Variants in RSRC1 observed in about 807,000 individuals in gnomAD.
RSRC1 encodes the protein serine/Arginine-related protein 53.
RSRC1 carries 39 observed loss-of-function variants against 49.1 expected under a neutral mutation model. That is an observed-to-expected ratio of 0.79 (90% CI 0.61 to 1.04). The LOEUF is 1.04. Among genes scored for constraint, RSRC1 ranks in the 50% least tolerant of loss-of-function variants. The pLI, the probability that RSRC1 is intolerant of heterozygous loss-of-function variation, is 0.00. For synonymous variants in RSRC1, 143 were observed against 130.8 expected, an observed-to-expected ratio of 1.09 and a Z score of -0.63; for missense variants, 388 against 402.4, an observed-to-expected ratio of 0.96 and a Z score of 0.31.
chr3:158,443,874 G>A (rs1224981646), intron 6 of RSRC1, among the ~76,000 whole-genome samples: 1 of 152,118 alleles, frequency 6.6e-6, no homozygotes, highest in Non-Finnish European at 1.5e-5. Flanking sequence ...TTGCTGATGG[G>A]CCTTATTTCA....
intron 8 of RSRC1, among the ~76,000 whole-genome samples, chr3:158,540,929 C>T (rs1434947093): frequency 6.6e-6 from 1 of 152,062 alleles, no homozygotes; most frequent in African/African-American, 2.4e-5. Flanking sequence ...GGAGGGTGAT[C>T]CTTTGGAGAA....
At chr3:158,166,868 A>G (rs1718569835) in intron 3 of RSRC1, among the ~76,000 whole-genome samples, 1 of 152,220 alleles carries the variant, frequency 6.6e-6, no homozygotes, top group South Asian at 2.1e-4. Flanking sequence ...AGGAAACGTG[A>G]AACTAATACA....
chr3:158,145,731 C>T (rs1472518042), intron 3 of RSRC1, among the ~76,000 whole-genome samples: 3 of 152,128 alleles, frequency 2.0e-5, no homozygotes, highest in Admixed American at 2.0e-4. Context: ...GCAGTATGGC[C>T]ATTTTCACGA....
intron 4 of RSRC1, among the ~76,000 whole-genome samples, chr3:158,214,069 T>TACAAAAAA (rs1167455100): frequency 3.2e-4 from 49 of 151,494 alleles, no homozygotes; most frequent in African/African-American, 1.2e-3. Context: ...AAGTACAGTA[T>TACAAAAAA]AACTATTTAC....
chr3:158,344,923 A>C (rs1730458912), intron 5 of RSRC1, among the ~76,000 whole-genome samples: 1 of 152,166 alleles, frequency 6.6e-6, no homozygotes, highest in Admixed American at 6.5e-5. Context: ...TAGCATTATA[A>C]AATACCCAAT....
intron 4 of RSRC1, among the ~76,000 whole-genome samples, chr3:158,285,566 A>C (rs968148537): frequency 5.9e-5 from 9 of 151,972 alleles, no homozygotes; most frequent in African/African-American, 1.2e-4. Context: ...CTTTTATTTC[A>C]TTGAGCAGTG....
chr3:158,174,424 A>G (rs889722291), intron 3 of RSRC1, among the ~76,000 whole-genome samples: 6 of 152,016 alleles, frequency 3.9e-5, no homozygotes, highest in Non-Finnish European at 8.8e-5. Context: ...TCAATGAATT[A>G]CTGTATTATA....
At chr3:158,295,466 A>G (rs1727184802) in intron 4 of RSRC1, among the ~76,000 whole-genome samples, 1 of 152,172 alleles carries the variant, frequency 6.6e-6, no homozygotes, top group Non-Finnish European at 1.5e-5. Flanking sequence ...GTTAATGGAA[A>G]ATGAATTGAC....
At chr3:158,134,821 AAG>A (rs1385129296) in intron 3 of RSRC1, among the ~76,000 whole-genome samples, 1 of 152,210 alleles carries the variant, frequency 6.6e-6, no homozygotes, top group African/African-American at 2.4e-5. Context: ...ATGAGAGACA[AAG>A]AGATGTGGAG....
chr3:158,309,737 G>A (rs1388550705), intron 5 of RSRC1, among the ~76,000 whole-genome samples: 1 of 151,748 alleles, frequency 6.6e-6, no homozygotes, highest in Non-Finnish European at 1.5e-5. Context: ...ACCCGAATAT[G>A]TGATACACAA....
chr3:158,337,531 T>C (rs900851256), intron 5 of RSRC1, among the ~76,000 whole-genome samples: 2 of 152,210 alleles, frequency 1.3e-5, no homozygotes, highest in African/African-American at 4.8e-5. Flanking sequence ...CCTGCAAATC[T>C]ATGATCATAG....
At chr3:158,282,832 G>T (rs892059776) in intron 4 of RSRC1, among the ~76,000 whole-genome samples, 1 of 152,278 alleles carries the variant, frequency 6.6e-6, no homozygotes, top group South Asian at 2.1e-4. Flanking sequence ...AAAATTGTTA[G>T]CCAGGTAAGG....
At chr3:158,253,843 G>A (rs566344546) in intron 4 of RSRC1, among the ~76,000 whole-genome samples, 2 of 152,154 alleles carry the variant, frequency 1.3e-5, no homozygotes, top group South Asian at 4.2e-4. Flanking sequence ...GTATACGTGT[G>A]TCATGTTGGT....
Position 158,323,363 on chromosome 3 carries a change from G to T in RSRC1, c.531+25288G>T, listed in dbSNP as rs149057297. On this transcript the variant is annotated intron_variant, in intron 5 of 9. Coordinates refer to ENST00000611884, the MANE Select transcript of RSRC1 (RefSeq NM_001271838.2). ...TTGGGCAGAGGTCACGGTCGAATAC[G>T]TCAGGGCAGGATCTTTGTGAATTAG... is the stretch of plus-strand genomic sequence containing the variant. Among the ~76,000 whole-genome samples the T allele has an allele frequency of 7.9e-5, 12 of 152,238 alleles. No individual in the cohort carries two copies. In the East Asian group the frequency reaches 1.7e-3, roughly 22 times the overall value.
At chr3:158,169,564 A>G (rs1350572564) in intron 3 of RSRC1, among the ~76,000 whole-genome samples, 1 of 152,154 alleles carries the variant, frequency 6.6e-6, no homozygotes, top group Non-Finnish European at 1.5e-5. Flanking sequence ...TATTCTCTTT[A>G]AACTTCTCCT....
At position 158,460,997 on chromosome 3, in the gene RSRC1, G is replaced by A. The variant is rs148607251; in HGVS notation, c.646G>A (p.Glu216Lys). Residue 216 changes from glutamate to lysine, a missense_variant, in exon 7 of 10, where the codon GAG (glutamate) becomes AAG (lysine). Coordinates refer to ENST00000611884, the MANE Select transcript of RSRC1 (RefSeq NM_001271838.2). ...TGAGGAAGAAGCAAAGAGAAGAAAG[G>A]AGGAAGGTAAAGGCATGTGTTCATT... is the stretch of plus-strand genomic sequence containing the variant. ...RNEEEAKRRK[E>K]EDQATLVEQV... The A allele has an allele frequency of 6.3e-7, 1 of 1,599,540 alleles. No homozygotes were observed. Among genetic ancestry groups the A allele is most frequent in the East Asian group, 2.3e-5 (1 of 44,176 alleles).
At chr3:158,190,384 A>G (rs1720167175) in intron 3 of RSRC1, among the ~76,000 whole-genome samples, 1 of 151,880 alleles carries the variant, frequency 6.6e-6, no homozygotes, top group South Asian at 2.1e-4. Context: ...TCTTCTTTCT[A>G]TAACTTTTTT....
At chr3:158,509,207 G>C (rs1740024638) in intron 7 of RSRC1, among the ~76,000 whole-genome samples, 1 of 152,010 alleles carries the variant, frequency 6.6e-6, no homozygotes, top group Admixed American at 6.6e-5. Flanking sequence ...TATTATTTTT[G>C]CATGTGGATT....
chr3:158,516,926 A>C (rs140182552), intron 7 of RSRC1, among the ~76,000 whole-genome samples: 1 of 152,174 alleles, frequency 6.6e-6, no homozygotes, highest in African/African-American at 2.4e-5. Context: ...GTGCTTCCCA[A>C]GTGAGGCAGT....
Sources: allele counts gnomAD v4.1 joint callset (sites outside exome capture counted in the v4.1 genomes callset), GRCh38; gene constraint gnomAD v4.1.1; transcripts MANE v1.5; gene names NCBI Gene and HGNC (gene_info 2026-07-23, HGNC 2026-07-21).